Variants in DOCK1 observed in about 807,000 individuals in gnomAD.
DOCK1 encodes dedicator of cytokinesis protein 1.
Under a neutral mutation model 262.7 loss-of-function variants are expected in DOCK1, and 138 were observed. That is an observed-to-expected ratio of 0.53 (90% CI 0.46 to 0.61). DOCK1 has a LOEUF of 0.61. Among genes scored for constraint, DOCK1 ranks in the 20% least tolerant of loss-of-function variants. The pLI is 0.00. For synonymous variants in DOCK1, 866 were observed against 867.4 expected (o/e 1.00, Z 0.03); for missense variants, 1,908 against 2,370.7 (o/e 0.80, Z 4.05).
At chr10:127,406,221 C>A (rs2067505437) in intron 40 of DOCK1, among the ~76,000 whole-genome samples, 2 of 151,970 alleles carry the variant, frequency 1.3e-5, no homozygotes, top group Non-Finnish European at 2.9e-5. Context: ...GATGGTTATC[C>A]CAGAATCCAG....
intron 28 of DOCK1, among the ~76,000 whole-genome samples, chr10:127,251,272 C>T (rs2059630310): frequency 6.6e-6 from 1 of 152,124 alleles, no homozygotes; most frequent in African/African-American, 2.4e-5. Context: ...AGCCACCACG[C>T]CCGGCTTACT....
intron 46 of DOCK1, 68 bp from the exon 47 acceptor site, chr10:127,425,806 C>A: frequency 6.3e-7 from 1 of 1,585,490 alleles, no homozygotes; most frequent in South Asian, 1.1e-5. Context: ...CCCCTTTCCC[C>A]AAGTGTGCAT....
At chr10:126,993,150 C>G (rs369905796) in intron 6 of DOCK1, among the ~76,000 whole-genome samples, 34 of 152,312 alleles carry the variant, frequency 2.2e-4, no homozygotes, top group African/African-American at 8.2e-4. Context: ...ACGGTCTGCC[C>G]TGGCAGGTGT....
At chr10:127,361,785 A>G (rs1000143430) in intron 32 of DOCK1, among the ~76,000 whole-genome samples, 11 of 152,136 alleles carry the variant, frequency 7.2e-5, no homozygotes, top group Non-Finnish European at 1.6e-4. Context: ...TACTTATAAA[A>G]CAGTGTTCAT....
rs943796442 is a variant in DOCK1 at position 127,012,902 on chromosome 10, C to A, written c.1201+528C>A. Among the ~76,000 whole-genome samples, 5 of 152,170 alleles carry A rather than the reference C, an allele frequency of 3.3e-5. No homozygotes were observed. Among genetic ancestry groups the A allele is most frequent in the African/African-American group, 1.2e-4 (5 of 41,434 alleles). On this transcript the variant is annotated intron_variant, in intron 12 of 51. Coordinates refer to ENST00000623213, the MANE Select transcript of DOCK1 (RefSeq NM_001290223.2). The surrounding 1 kb of genome is among the most constrained non-coding windows in gnomAD (Gnocchi z 4.0). ...CGGGCTGGTGACAGTTGGCACTTGG[C>A]TGGCCAGGAGGGCTGCCAGGAAACA...
At chr10:127,360,208 T>G (rs2064344590) in intron 32 of DOCK1, among the ~76,000 whole-genome samples, 1 of 152,194 alleles carries the variant, frequency 6.6e-6, no homozygotes, top group South Asian at 2.1e-4. Flanking sequence ...GCAGTTGCTG[T>G]GGTTTCCTCC....
At chr10:127,013,907 G>T (rs1223028490) in intron 12 of DOCK1, among the ~76,000 whole-genome samples, 1 of 152,236 alleles carries the variant, frequency 6.6e-6, no homozygotes, top group Non-Finnish European at 1.5e-5. Context: ...CAGATCGGCC[G>T]CCGGGACTGC....
At chr10:127,216,833 A>G (rs1268304871) in intron 27 of DOCK1, among the ~76,000 whole-genome samples, 1 of 152,222 alleles carries the variant, frequency 6.6e-6, no homozygotes, top group Non-Finnish European at 1.5e-5. Context: ...CTAGTTGAAT[A>G]AAAGAGTCAG....
chr10:126,905,538 C>A lies in DOCK1; in HGVS notation c.21C>A (p.Thr7=). The A allele has an allele frequency of 1.9e-6, 1 of 512,906 alleles. No homozygotes were observed. The allele number at this position is 512,906 out of a possible 1,614,324, so 31.8% of individuals were successfully genotyped here. A position where few individuals can be genotyped will look rare whatever the true frequency, so the allele number is the denominator to read the frequency against. MTRWVP[T]KREEKYGVAF... ...GCGCCATGACGCGCTGGGTGCCCAC[C>A]AAGCGCGAGGAGAAGTACGGCGTGG... The change falls in exon 1 of 52, where the codon ACC becomes ACA. Residue 7 remains threonine (T), a synonymous_variant. Transcript: ENST00000623213.
At chr10:127,241,544 G>A (rs1356326944) in intron 27 of DOCK1, among the ~76,000 whole-genome samples, 1 of 152,018 alleles carries the variant, frequency 6.6e-6, no homozygotes, top group East Asian at 1.9e-4. Context: ...TGGCAAGCCT[G>A]GATGGGCTGA....
At chr10:126,961,649 T>A (rs1024115668) in intron 1 of DOCK1, among the ~76,000 whole-genome samples, 29,377 of 152,234 alleles carry the variant, frequency 0.19, 2,947 homozygotes, top group South Asian at 0.28. Flanking sequence ...GTCTTCAAGG[T>A]TCACCCGTGT....
intron 31 of DOCK1, among the ~76,000 whole-genome samples, chr10:127,354,414 G>C (rs1016100176): frequency 9.8e-5 from 15 of 152,316 alleles, no homozygotes; most frequent in Middle Eastern, 3.4e-3. Flanking sequence ...ATGCTTTCAT[G>C]ACTCTCCACA....
intron 31 of DOCK1, among the ~76,000 whole-genome samples, chr10:127,349,712 C>T (rs929514415): frequency 1.4e-4 from 21 of 152,170 alleles, no homozygotes; most frequent in Non-Finnish European, 4.4e-5. Flanking sequence ...TTGGTTCCTT[C>T]TGGAGGTTCT....
chr10:127,067,293 A>T (rs1347317640), intron 23 of DOCK1, among the ~76,000 whole-genome samples: 1 of 152,194 alleles, frequency 6.6e-6, no homozygotes, highest in East Asian at 1.9e-4. Context: ...GGGGCTTTGC[A>T]GTCAGTTCTT....
intron 27 of DOCK1, among the ~76,000 whole-genome samples, chr10:127,246,713 T>C (rs1261621023): frequency 6.6e-6 from 1 of 152,210 alleles, no homozygotes; most frequent in Non-Finnish European, 1.5e-5. Context: ...GAAGTAGATA[T>C]GTGTACTATA....
At chr10:127,163,091 G>A (rs531142249) in intron 27 of DOCK1, among the ~76,000 whole-genome samples, 1 of 152,310 alleles carries the variant, frequency 6.6e-6, no homozygotes, top group East Asian at 1.9e-4. Flanking sequence ...CACCTTGTTT[G>A]TGGCTCTCTT....
rs1057180572 is a variant in DOCK1 at position 127,031,736 on chromosome 10, G to A, written c.1711G>A (p.Asp571Asn). Residue 571 changes from aspartate (D) to asparagine (N), a missense_variant, in exon 17 of 52, where the codon GAT becomes AAT. Coordinates refer to ENST00000623213, the MANE Select transcript of DOCK1 (RefSeq NM_001290223.2). ...DGTTLRDGEH[D>N]LIVYKAEAKK... ...TACCACCCTGCGAGACGGAGAGCAC[G>A]ATCTTATCGTCTATAAGGTATCTGG... 1.2e-6 allele frequency: 2 copies of A among 1,612,800 alleles called. No individual in the cohort carries two copies. The highest frequency in any genetic ancestry group is 2.2e-5 in the East Asian group (1 of 44,860).
At chr10:127,047,146 C>A (rs577374825) in intron 21 of DOCK1, among the ~76,000 whole-genome samples, 1 of 152,014 alleles carries the variant, frequency 6.6e-6, no homozygotes, top group African/African-American at 2.4e-5. Flanking sequence ...GTTGTTAATT[C>A]AGTTGTTCTT....
At chr10:127,402,724 T>C (rs769157536) in intron 38 of DOCK1, 7 of 540,110 alleles carry the variant, frequency 1.3e-5, no homozygotes, top group Non-Finnish European at 2.6e-5. Context: ...GCTCCAAGGC[T>C]GCTCCGACAG....
Sources: allele counts gnomAD v4.1 joint callset (sites outside exome capture counted in the v4.1 genomes callset), GRCh38; gene constraint gnomAD v4.1.1; non-coding constraint Gnocchi (gnomAD v3.1); transcripts MANE v1.5; gene names NCBI Gene and HGNC (gene_info 2026-07-23, HGNC 2026-07-21).